Variants in VPS13C observed in about 807,000 individuals in gnomAD.
VPS13C encodes intermembrane lipid transfer protein VPS13C.
VPS13C carries 358 observed loss-of-function variants against 456.8 expected under a neutral mutation model. That is an observed-to-expected ratio of 0.78 (90% CI 0.72 to 0.86). The LOEUF is 0.86. VPS13C is among the 40% of genes least tolerant of loss of function. The pLI is 0.00. For missense variants in VPS13C, 4,818 were observed against 4,385.4 expected, an observed-to-expected ratio of 1.10 and a Z score of -2.79; for synonymous variants, 1,578 against 1,486.7, an observed-to-expected ratio of 1.06 and a Z score of -1.41.
intron 51 of VPS13C, among the ~76,000 whole-genome samples, chr15:61,928,414 AC>A (rs2043941138): frequency 6.6e-6 from 1 of 152,174 alleles, no homozygotes; most frequent in Non-Finnish European, 1.5e-5. Flanking sequence ...TATAATCTAT[AC>A]TGTAAATATA....
chr15:61,883,109 A>T (rs748889683), intron 68 of VPS13C, among the ~76,000 whole-genome samples: 2 of 151,782 alleles, frequency 1.3e-5, no homozygotes, highest in Non-Finnish European at 2.9e-5. Flanking sequence ...TGCAGCCTCA[A>T]CCTCCTGGCC....
chr15:61,936,708 A>G lies in VPS13C; in HGVS notation c.5644T>C (p.Leu1882=). ...EDDLTVLMKI[L]LENLGEASSQ... ...GAAGCTTCTCCAAGATTTTCTAGCA[A>G]AATTTTCATTAAAACTGTCAAGTCA... The change falls in exon 48 of 85, where the codon TTG becomes CTG. Residue 1882 remains leucine, a synonymous_variant. Coordinates refer to ENST00000644861, the MANE Select transcript of VPS13C (RefSeq NM_020821.3). 4 of 1,613,684 alleles carry G rather than the reference A, an allele frequency of 2.5e-6. No homozygotes were observed. The highest frequency in any genetic ancestry group is 3.4e-6 in the Non-Finnish European group (4 of 1,179,782).
intron 38 of VPS13C, among the ~76,000 whole-genome samples, chr15:61,953,321 G>T (rs1320366264): frequency 2.6e-5 from 4 of 151,372 alleles, no homozygotes; most frequent in Non-Finnish European, 4.4e-5. Context: ...CATGTGCCAT[G>T]CTGGTGTGCT....
intron 37 of VPS13C, among the ~76,000 whole-genome samples, chr15:61,955,381 A>T (rs1239520129): frequency 6.6e-6 from 1 of 152,184 alleles, no homozygotes; most frequent in Admixed American, 6.5e-5. Flanking sequence ...CTGATTTTAC[A>T]GTCTTCACTC....
intron 79 of VPS13C, among the ~76,000 whole-genome samples, chr15:61,871,253 C>T (rs1350718651): frequency 6.6e-6 from 1 of 152,042 alleles, no homozygotes; most frequent in Non-Finnish European, 1.5e-5. Context: ...GTATTTAATC[C>T]ATTGTGAACT....
chr15:61,947,582 CAA>C (rs2044649521), intron 42 of VPS13C, among the ~76,000 whole-genome samples: 1 of 93,016 alleles, frequency 1.1e-5, no homozygotes, highest in Non-Finnish European at 2.2e-5. Context: ...AACTTTACTA[CAA>C]CTTTTTTTCT....
At chr15:61,881,345 GA>G (rs1010423867) in intron 71 of VPS13C, among the ~76,000 whole-genome samples, 33 of 152,194 alleles carry the variant, frequency 2.2e-4, no homozygotes, top group African/African-American at 7.5e-4. Context: ...GTTATAAAGG[GA>G]AGAAGATGGT....
intron 4 of VPS13C, 23 bp downstream of exon 4, chr15:62,034,934 G>C (rs2047938600): frequency 1.1e-5 from 16 of 1,496,736 alleles, no homozygotes; most frequent in Non-Finnish European, 1.5e-5. Flanking sequence ...GTTATTGAAT[G>C]GTTATAACCT....
At chr15:61,997,949 G>A (rs2046446796) in intron 16 of VPS13C, among the ~76,000 whole-genome samples, 1 of 152,114 alleles carries the variant, frequency 6.6e-6, no homozygotes, top group South Asian at 2.1e-4. Context: ...TCCCAATTCA[G>A]AGTAAGAGCC....
At chr15:61,968,738 C>T (rs541147189) in intron 28 of VPS13C, among the ~76,000 whole-genome samples, 2 of 152,174 alleles carry the variant, frequency 1.3e-5, no homozygotes, top group South Asian at 2.1e-4. Context: ...AAAGAACTAA[C>T]TTTACATCCT....
rs1596332454 is a variant in VPS13C, at chr15:61,920,520, T to C, written c.7190A>G (p.Asn2397Ser). The C allele has an allele frequency of 6.5e-7, 1 of 1,546,488 alleles. No homozygotes were observed. Among genetic ancestry groups the C allele is most frequent in the Non-Finnish European group, 8.7e-7 (1 of 1,149,288 alleles). The change falls in exon 56 of 85, where the codon AAT becomes AGT. Residue 2397 changes from asparagine to serine, a missense_variant. Asn to Ser is a conservative substitution (Grantham distance 46). Around this residue, in one of 3 missense-constraint regions of VPS13C, gnomAD observed 4,552 missense variants for 4,130.6 expected, o/e 1.10. Transcript: ENST00000644861. ...MNITISKSCL[N>S]VFNNLAKGFS... is the part of the protein sequence containing the mutation. ...TACTTTTGCTAAATTGTTGAAAACA[T>C]TAAGACAACTTTTGGATATTGTTAT... is the stretch of plus-strand genomic sequence containing the variant.
intron 6 of VPS13C, among the ~76,000 whole-genome samples, chr15:62,026,932 G>C (rs1215437238): frequency 2.6e-5 from 4 of 151,956 alleles, no homozygotes; most frequent in Non-Finnish European, 4.4e-5. Context: ...ATCATGCTAA[G>C]GCAGCTAGCA....
intron 1 of VPS13C, among the ~76,000 whole-genome samples, chr15:62,052,672 C>T (rs1323909861): frequency 1.4e-5 from 1 of 70,542 alleles, no homozygotes; most frequent in African/African-American, 5.9e-5. Flanking sequence ...GACTCCGTCT[C>T]AAAAAAAAAA....
At position 61,964,807 on chromosome 15, in the gene VPS13C, T is replaced by C. The variant is rs757105331; in HGVS notation, c.3106A>G (p.Ile1036Val). Reference sequence around the variant, plus strand: ...GGAATAATGGTTGTGAGGTAATTAATAGAAGCGACAAGAGCTTGTGTTTGC... The same window carrying C: ...GGAATAATGGTTGTGAGGTAATTAACAGAAGCGACAAGAGCTTGTGTTTGC... ...LLQTQALVAS[I>V]NYLTTIIPSD... The change falls in exon 31 of 85, where the codon ATT (isoleucine) becomes GTT (valine). Residue 1036 changes from isoleucine (I) to valine (V), a missense_variant. Physicochemically the swap from Ile to Val is conservative, Grantham distance 29. Coordinates refer to ENST00000644861, the MANE Select transcript of VPS13C (RefSeq NM_020821.3). The C allele has an allele frequency of 1.9e-5, 31 of 1,612,380 alleles. No individual in the cohort carries two copies. Among genetic ancestry groups the C allele is most frequent in the African/African-American group, 2.7e-5 (2 of 74,842 alleles).
chr15:62,009,963 AGATCATGAGGT>A (rs1309794970), intron 13 of VPS13C, among the ~76,000 whole-genome samples: 5 of 152,116 alleles, frequency 3.3e-5, no homozygotes, highest in Non-Finnish European at 7.4e-5. Context: ...CGAGGCGGGC[AGATCATGAGGT>A]CAGGAGATCG....
intron 37 of VPS13C, among the ~76,000 whole-genome samples, chr15:61,954,792 T>C (rs1470255544): frequency 6.6e-6 from 1 of 152,230 alleles, no homozygotes; most frequent in East Asian, 1.9e-4. Flanking sequence ...ATAGACTCTA[T>C]ATAAAATGCA....
chr15:61,863,580 T>TA lies in VPS13C; in HGVS notation c.10864-53_10864-52insT, dbSNP rs1894345220. Reference sequence around the variant, plus strand: ...TGGGAAGTTATGCATTTAAGTAGTATTTACAATACTGCATATTAGCTAATT... The same window carrying TA: ...TGGGAAGTTATGCATTTAAGTAGTATATTACAATACTGCATATTAGCTAATT... On this transcript the variant is annotated intron_variant, in intron 81 of 84. Transcript: ENST00000644861. 7 of 1,179,450 alleles carry TA rather than the reference T, an allele frequency of 5.9e-6. No homozygotes were observed. The South Asian group carries it at 8.9e-5, about 15-fold the overall frequency. The allele number at this position is 1,179,450 out of a possible 1,614,324, so 73.1% of individuals were successfully genotyped here.
intron 1 of VPS13C, among the ~76,000 whole-genome samples, chr15:62,049,200 T>C (rs557108012): frequency 6.6e-6 from 1 of 152,156 alleles, no homozygotes; most frequent in African/African-American, 2.4e-5. Context: ...CTGAATGGTA[T>C]TGCCTAGGTT....
chr15:62,044,293 C>G (rs772393229), intron 1 of VPS13C, 38 bp from the exon 2 acceptor site: 1 of 1,288,206 alleles, frequency 7.8e-7, no homozygotes, highest in Admixed American at 2.2e-5. Flanking sequence ...ATTACTATAA[C>G]ATACCAATTT....
Sources: gnomAD v4.1 joint callset for allele counts (sites outside exome capture counted in the v4.1 genomes callset) on GRCh38, gnomAD v4.1.1 for gene constraint, gnomAD v4.1.1 regional missense constraint, MANE v1.5 for transcripts, NCBI Gene and HGNC (gene_info 2026-07-23, HGNC 2026-07-21) for gene names.